Variants in SEZ6 observed in about 807,000 individuals in gnomAD.
The protein encoded by SEZ6 is seizure related 6 homolog.
In SEZ6, 53 loss-of-function variants were observed where a neutral mutation model predicts 101.0. That is an observed-to-expected ratio of 0.52 (90% CI 0.42 to 0.66). The LOEUF (loss-of-function observed/expected upper bound fraction) is 0.66. Ranked by LOEUF, SEZ6 falls within the 30% of genes least tolerant of loss-of-function variation. The probability of loss-of-function intolerance (pLI) is 0.00; values close to 1 mark genes in which losing one functional copy is unlikely to be tolerated. For synonymous variants in SEZ6, 488 were observed against 512.2 expected, an observed-to-expected ratio of 0.95 and a Z score of 0.64; for missense variants, 1,102 against 1,289.4, an observed-to-expected ratio of 0.85 and a Z score of 2.23.
At chr17:28,992,244 C>G (rs1323170964) in intron 1 of SEZ6, among the ~76,000 whole-genome samples, 1 of 152,196 alleles carries the variant, frequency 6.6e-6, no homozygotes, top group Non-Finnish European at 1.5e-5. Context: ...AGTGAATCCT[C>G]CTAGTTCACA....
intron 3 of SEZ6, among the ~76,000 whole-genome samples, chr17:28,973,458 C>A (rs947546339): frequency 6.6e-6 from 1 of 152,224 alleles, no homozygotes; most frequent in Non-Finnish European, 1.5e-5. Context: ...AAAACTGAGA[C>A]TGAGACCTCT....
chr17:28,960,188 T>C (rs1485823441), intron 7 of SEZ6: 5 of 571,402 alleles, frequency 8.8e-6, no homozygotes, highest in Non-Finnish European at 1.6e-5. Flanking sequence ...CATGCATGCA[T>C]AAATGGTTCT....
chr17:28,975,144 C>G (rs2041205331), intron 3 of SEZ6, among the ~76,000 whole-genome samples: 1 of 152,306 alleles, frequency 6.6e-6, no homozygotes, highest in African/African-American at 2.4e-5. Flanking sequence ...GCATTTGCAG[C>G]AGAAATGATA....
At chr17:28,968,035 G>GGA (rs34907129) in intron 4 of SEZ6, among the ~76,000 whole-genome samples, 45,022 of 151,884 alleles carry the variant, frequency 0.3, 7,025 homozygotes, top group African/African-American at 0.4. Context: ...GAGGGGAGTT[G>GGA]ACTTGGTCTT....
chr17:28,963,205 C>T (rs931610252), intron 5 of SEZ6, among the ~76,000 whole-genome samples: 14 of 152,178 alleles, frequency 9.2e-5, no homozygotes, highest in African/African-American at 3.4e-4. Flanking sequence ...CAACAAGCCC[C>T]TTTTCATTGG....
Position 29,005,918 on chromosome 17 carries a change from G to C in SEZ6, c.-49C>G. 1 of 1,394,232 alleles carries C rather than the reference G, an allele frequency of 7.2e-7. No homozygotes were observed. The highest frequency in any genetic ancestry group is 9.4e-7 in the Non-Finnish European group (1 of 1,067,508). 86.4% of individuals were successfully genotyped at this position (1,394,232 alleles called of 1,614,324 possible). A position where few individuals can be genotyped will look rare whatever the true frequency, so the allele number is the denominator to read the frequency against. On this transcript the variant is annotated 5_prime_UTR_variant, in exon 1 of 17. Transcript: ENST00000317338. This position sits in a 1 kb window ranked among gnomAD's most constrained non-coding sequence, Gnocchi z 4.8. ...GGGCTGGGACCGCGGCGGGAGGGCGGGGGGCTTGGTGGGGCTTGGGCGCGG... is the reference window on the plus strand; with the variant it reads ...GGGCTGGGACCGCGGCGGGAGGGCGCGGGGCTTGGTGGGGCTTGGGCGCGG...
At chr17:28,981,053 G>A (rs2041293159) in intron 2 of SEZ6, among the ~76,000 whole-genome samples, 1 of 152,066 alleles carries the variant, frequency 6.6e-6, no homozygotes, top group Admixed American at 6.5e-5. Context: ...CCACCACCAT[G>A]CCCGGCTCAT....
chr17:29,000,033 T>C (rs533292709), intron 1 of SEZ6, among the ~76,000 whole-genome samples: 1 of 152,344 alleles, frequency 6.6e-6, no homozygotes, highest in African/African-American at 2.4e-5. Flanking sequence ...GGTTTCAACT[T>C]GATTAATAAA....
intron 1 of SEZ6, among the ~76,000 whole-genome samples, chr17:28,983,028 C>A (rs1215793410): frequency 6.6e-6 from 1 of 152,182 alleles, no homozygotes; most frequent in African/African-American, 2.4e-5. Context: ...GAAATCATTT[C>A]TTTTGTACTC....
Position 28,959,143 on chromosome 17 carries a change from T to C in SEZ6, c.1989A>G (p.Ser663=), listed in dbSNP as rs559000950. 8 of 1,613,694 alleles carry C rather than the reference T, an allele frequency of 5.0e-6. No individual in the cohort carries two copies. Among genetic ancestry groups the C allele is most frequent in the Middle Eastern group, 1.6e-4 (1 of 6,084 alleles). ...DLTARVLGQY[S]GPRSHFKLFT... ...AGAGCTTGAAGTGGCTACGGGGCCCTGAGTACTGGCCCAGAACCCGGGCCG... is the reference window on the plus strand; with the variant it reads ...AGAGCTTGAAGTGGCTACGGGGCCCCGAGTACTGGCCCAGAACCCGGGCCG... The change falls in exon 10 of 17, where the codon TCA becomes TCG. Residue 663 remains serine (S), a synonymous_variant. Coordinates refer to ENST00000317338, the MANE Select transcript of SEZ6 (RefSeq NM_178860.5). This position sits in a 1 kb window ranked among gnomAD's most constrained non-coding sequence, Gnocchi z 4.4.
rs958046199 is a variant in SEZ6, at chr17:28,957,498, G to A, written c.2344C>T (p.Arg782Cys). The A allele has an allele frequency of 6.2e-6, 10 of 1,613,818 alleles. No homozygotes were observed. The highest frequency in any genetic ancestry group is 1.7e-5 in the Admixed American group (1 of 59,992). The change falls in exon 12 of 17, where the codon CGC (arginine) becomes TGC (cysteine). Residue 782 changes from arginine (R) to cysteine (C), a missense_variant. By Grantham distance (180) the Arg-to-Cys change is radical (BLOSUM62 -3). This residue lies in a region of SEZ6 where 556 missense variants were observed against 735.1 expected (regional missense o/e 0.76). Transcript: ENST00000317338. ...GGAAACTTGGGGCTGGATATGAGGC[G>A]TCGGCTGTGCTCCACATCTCCAGGA... ...HDPGDVEHSRRLISSPKFPVG... is the reference protein window; with the variant it reads ...HDPGDVEHSRCLISSPKFPVG...
chr17:28,999,409 C>G lies in SEZ6; in HGVS notation c.55+6406G>C, dbSNP rs545074858. Among the ~76,000 whole-genome samples the G allele has an allele frequency of 2.0e-5, 3 of 152,292 alleles. No individual in the cohort carries two copies. The South Asian group carries it at 6.2e-4, about 32-fold the overall frequency. On this transcript the variant is annotated intron_variant, in intron 1 of 16. Transcript: ENST00000317338. ...TTGTTCCAGATGGACCCAGCCAGGA[C>G]TTCCCACCCTACCCCCTCCCTTCCT...
At chr17:28,990,469 T>TG (rs1466988915) in intron 1 of SEZ6, among the ~76,000 whole-genome samples, 6 of 152,096 alleles carry the variant, frequency 3.9e-5, no homozygotes, top group Non-Finnish European at 8.8e-5. Flanking sequence ...TTCACCATGT[T>TG]GCCCAGGCTG....
intron 4 of SEZ6, among the ~76,000 whole-genome samples, chr17:28,966,476 CTT>C (rs575734327): frequency 6.7e-4 from 102 of 152,202 alleles, no homozygotes; most frequent in African/African-American, 2.3e-3. Flanking sequence ...GAGTGAGACT[CTT>C]TCTCAAAAAA....
At chr17:29,000,584 T>C (rs143739200) in intron 1 of SEZ6, among the ~76,000 whole-genome samples, 2,062 of 152,252 alleles carry the variant, frequency 0.014, 22 homozygotes, top group Middle Eastern at 0.048. Flanking sequence ...TTATTGTGGT[T>C]CTGGATGATT....
rs2041281180 is a variant in SEZ6, at chr17:28,980,279, C to G, written c.725-466G>C. ...CTGAAGTGCAATGGCGTGATCTCAGCTCACTGCAACCTCTGCCTCCTGGGT... is the reference window on the plus strand; with the variant it reads ...CTGAAGTGCAATGGCGTGATCTCAGGTCACTGCAACCTCTGCCTCCTGGGT... On this transcript the variant is annotated intron_variant, in intron 2 of 16. Transcript: ENST00000317338. 4.0e-5 allele frequency among the ~76,000 whole-genome samples: 6 copies of G among 150,548 alleles called. No individual in the cohort carries two copies. The South Asian group carries it at 1.3e-3, about 31-fold the overall frequency.
At chr17:28,976,478 A>G (rs1199529228) in intron 3 of SEZ6, among the ~76,000 whole-genome samples, 2 of 152,062 alleles carry the variant, frequency 1.3e-5, no homozygotes, top group Non-Finnish European at 2.9e-5. Context: ...TGTCCCACCT[A>G]TCTGCCCTGA....
At chr17:28,958,246 G>A (rs1185269760) in intron 10 of SEZ6, 105 bp from the exon 11 acceptor site, 2 of 1,375,016 alleles carry the variant, frequency 1.5e-6, no homozygotes, top group Non-Finnish European at 2.0e-6. Flanking sequence ...CCTGGACCTA[G>A]ACTGTCCTGG....
chr17:28,982,350 T>A (rs1293039586), intron 1 of SEZ6, among the ~76,000 whole-genome samples: 1 of 152,158 alleles, frequency 6.6e-6, no homozygotes, highest in Non-Finnish European at 1.5e-5. Flanking sequence ...CTCCACGAGG[T>A]CACACCTGAC....
Sources: gnomAD v4.1 joint callset for allele counts (sites outside exome capture counted in the v4.1 genomes callset) on GRCh38, gnomAD v4.1.1 for gene constraint, gnomAD v4.1.1 regional missense constraint, Gnocchi (gnomAD v3.1) non-coding constraint, MANE v1.5 for transcripts, NCBI Gene and HGNC (gene_info 2026-07-23, HGNC 2026-07-21) for gene names.